The following AKIRIN2 variants were observed in gnomAD, a reference collection of about 807,000 sequenced individuals.
AKIRIN2 encodes the protein akirin-2.
Under a neutral mutation model 29.3 loss-of-function variants are expected in AKIRIN2, and 6 were observed. The ratio of observed to expected loss-of-function variants is 0.20; its 90% confidence interval spans 0.11 to 0.40. AKIRIN2 has a LOEUF of 0.40. Ranked by LOEUF, AKIRIN2 falls within the 10% of genes least tolerant of loss-of-function variation. AKIRIN2 has a pLI of 1.00. For missense variants in AKIRIN2, 210 were observed against 276.1 expected, an observed-to-expected ratio of 0.76 and a Z score of 1.70; for synonymous variants, 128 against 117.5, an observed-to-expected ratio of 1.09 and a Z score of -0.58.
intron 3 of AKIRIN2, among the ~76,000 whole-genome samples, chr6:87,676,816 C>T (rs1455166004): frequency 1.4e-5 from 2 of 144,910 alleles, no homozygotes; most frequent in Admixed American, 6.9e-5. Context: ...GTGGCTTACG[C>T]CTGTAATCCC....
chr6:87,691,571 G>T (rs1423873119), intron 1 of AKIRIN2, among the ~76,000 whole-genome samples: 1 of 152,084 alleles, frequency 6.6e-6, no homozygotes, highest in African/African-American at 2.4e-5. Flanking sequence ...GAGCAGGCAT[G>T]TGACTGCTTA....
intron 1 of AKIRIN2, among the ~76,000 whole-genome samples, chr6:87,687,189 G>C (rs747031418): frequency 2.1e-4 from 31 of 148,024 alleles, no homozygotes; most frequent in Non-Finnish European, 2.5e-4. Flanking sequence ...CAAAATAACA[G>C]AGCAATGTAC....
At chr6:87,683,327 G>A (rs1409363677) in intron 1 of AKIRIN2, among the ~76,000 whole-genome samples, 1 of 152,146 alleles carries the variant, frequency 6.6e-6, no homozygotes, top group Non-Finnish European at 1.5e-5. Flanking sequence ...TGCTTTAGCT[G>A]TATTTAACAT....
At chr6:87,684,277 G>A (rs945216664) in intron 1 of AKIRIN2, among the ~76,000 whole-genome samples, 10 of 152,070 alleles carry the variant, frequency 6.6e-5, no homozygotes, top group African/African-American at 2.4e-4. Flanking sequence ...TCAAATGAAA[G>A]CTAACCCAGA....
intron 1 of AKIRIN2, among the ~76,000 whole-genome samples, chr6:87,689,148 G>C (rs186182973): frequency 6.6e-6 from 1 of 152,116 alleles, no homozygotes; most frequent in Non-Finnish European, 1.5e-5. Flanking sequence ...AGTACACCAC[G>C]ATCAAGCTGA....
Position 87,675,613 on chromosome 6 carries a change from G to C in AKIRIN2, c.602-6C>G. The C allele has an allele frequency of 6.8e-6, 11 of 1,613,904 alleles. No homozygotes were observed. The highest frequency in any genetic ancestry group is 2.2e-5 in the East Asian group (1 of 44,870). On this transcript the variant is annotated splice_region_variant and splice_polypyrimidine_tract_variant and intron_variant, in intron 4 of 4. Transcript: ENST00000257787. ...ATACGTGATTCATGAAACATCTAAA[G>C]GGTGAGAAAAAGAAAATTAGTGCAA...
rs1770970347 is a variant in AKIRIN2, at chr6:87,676,070, T to A, written c.530-139A>T. The A allele has an allele frequency of 6.1e-6, 4 of 660,886 alleles. No individual in the cohort carries two copies. In the Admixed American group the frequency reaches 1.3e-4, roughly 21 times the overall value. 40.9% of individuals were successfully genotyped at this position (660,886 alleles called of 1,614,324 possible). ...TAACCTCAGTAGTACTAATAGTGTA[T>A]CAAATAAAAACAGCATGCAACTTAT... On this transcript the variant is annotated intron_variant, in intron 3 of 4. Coordinates refer to ENST00000257787, the MANE Select transcript of AKIRIN2 (RefSeq NM_018064.4).
chr6:87,680,066 A>T (rs1771092190), intron 2 of AKIRIN2, among the ~76,000 whole-genome samples: 1 of 152,166 alleles, frequency 6.6e-6, no homozygotes, highest in Non-Finnish European at 1.5e-5. Context: ...TCACATTCCC[A>T]GCTTTGTTAC....
At chr6:87,697,128 G>A (rs1771382837) in intron 1 of AKIRIN2, among the ~76,000 whole-genome samples, 1 of 151,628 alleles carries the variant, frequency 6.6e-6, no homozygotes, top group South Asian at 2.1e-4. Flanking sequence ...TGCCAACATG[G>A]TGAAACCCCA....
At chr6:87,680,727 C>G (rs371136509) in intron 2 of AKIRIN2, among the ~76,000 whole-genome samples, 6 of 151,064 alleles carry the variant, frequency 4.0e-5, no homozygotes, top group African/African-American at 1.2e-4. Context: ...GCAAAACCTT[C>G]AACTTTCTCT....
intron 1 of AKIRIN2, among the ~76,000 whole-genome samples, chr6:87,696,365 T>C (rs932915075): frequency 6.6e-6 from 1 of 152,080 alleles, no homozygotes; most frequent in South Asian, 2.1e-4. Context: ...GTTTAGCCTA[T>C]GTGTTGCTGT....
intron 4 of AKIRIN2, 26 bp downstream of exon 4, chr6:87,675,834 T>C: frequency 1.9e-6 from 3 of 1,600,758 alleles, no homozygotes; most frequent in Non-Finnish European, 2.6e-6. Flanking sequence ...ATTTTCAGTT[T>C]ATAACTTCAA....
chr6:87,681,318 AG>A (rs1221381688), intron 2 of AKIRIN2, among the ~76,000 whole-genome samples: 1 of 152,224 alleles, frequency 6.6e-6, no homozygotes, highest in Non-Finnish European at 1.5e-5. Flanking sequence ...CTGGGATTAC[AG>A]GCATGAGCCA....
chr6:87,678,377 C>CT (rs1562396477), intron 2 of AKIRIN2, among the ~76,000 whole-genome samples: 1 of 152,024 alleles, frequency 6.6e-6, no homozygotes, highest in African/African-American at 2.4e-5. Context: ...TGGCGGGCAC[C>CT]TGTAATCCCA....
chr6:87,691,389 C>T (rs773719711), intron 1 of AKIRIN2, among the ~76,000 whole-genome samples: 2 of 139,788 alleles, frequency 1.4e-5, no homozygotes, highest in East Asian at 2.2e-4. Flanking sequence ...TGCAGTGAGC[C>T]GAGATCGCAC....
In AKIRIN2 at chr6:87,677,910, C is replaced by T. The variant is rs1174645144; in HGVS notation, c.437G>A (p.Arg146Gln). 1.1e-5 allele frequency: 17 copies of T among 1,613,754 alleles called. No individual in the cohort carries two copies. The highest frequency in any genetic ancestry group is 2.7e-5 in the African/African-American group (2 of 74,844). The change falls in exon 3 of 5, where the codon CGG becomes CAG. Residue 146 changes from arginine (R) to glutamine (Q), a missense_variant. Coordinates refer to ENST00000257787, the MANE Select transcript of AKIRIN2 (RefSeq NM_018064.4). ...ACGTTCACAGATCATCCCAACCTGC[C>T]GTAGAGTAAATAAGGGCTGTTCTTT... ...LKKEQPLFTL[R>Q]QVGMICERLL...
chr6:87,689,302 G>A (rs1771239996), intron 1 of AKIRIN2, among the ~76,000 whole-genome samples: 1 of 152,290 alleles, frequency 6.6e-6, no homozygotes, highest in South Asian at 2.1e-4. Context: ...AAGAGTTCGA[G>A]ACCTGCCTGG....
Position 87,677,972 on chromosome 6 carries a change from G to C in AKIRIN2, c.380-5C>G. On this transcript the variant is annotated splice_region_variant and splice_polypyrimidine_tract_variant and intron_variant, in intron 2 of 4. Transcript: ENST00000257787. ...AGGATGCTGCAGATGAAGTCCCTAT[G>C]TACAATGAGGACAAAAAATAGCACC... is the stretch of plus-strand genomic sequence containing the variant. 1 of 1,607,970 alleles carries C rather than the reference G, an allele frequency of 6.2e-7. No homozygotes were observed. Among genetic ancestry groups the C allele is most frequent in the Non-Finnish European group, 8.5e-7 (1 of 1,177,248 alleles).
At chr6:87,691,129 C>A (rs888801579) in intron 1 of AKIRIN2, among the ~76,000 whole-genome samples, 9 of 152,068 alleles carry the variant, frequency 5.9e-5, no homozygotes, top group Non-Finnish European at 7.4e-5. Context: ...GGAGCGAAGG[C>A]TACCAAGATC....
Sources: allele counts gnomAD v4.1 joint callset (sites outside exome capture counted in the v4.1 genomes callset), GRCh38; gene constraint gnomAD v4.1.1; transcripts MANE v1.5; gene names NCBI Gene and HGNC (gene_info 2026-07-23, HGNC 2026-07-21).